YES1: variants seen among roughly 807,000 people sequenced by gnomAD.
The protein encoded by YES1 is YES proto-oncogene 1, Src family tyrosine kinase.
YES1 carries 39 observed loss-of-function variants against 70.4 expected under a neutral mutation model. The ratio of observed to expected loss-of-function variants is 0.55; its 90% confidence interval spans 0.43 to 0.72. YES1 has a LOEUF of 0.72. Among genes scored for constraint, YES1 ranks in the 30% least tolerant of loss-of-function variants. The probability of loss-of-function intolerance (pLI) is 0.00; values close to 1 mark genes in which losing one functional copy is unlikely to be tolerated. For missense variants in YES1, 495 were observed against 644.8 expected (o/e 0.77, Z 2.52); for synonymous variants, 198 against 218.6 (o/e 0.91, Z 0.83).
chr18:771,151 G>A (rs538442119), intron 1 of YES1, among the ~76,000 whole-genome samples: 1 of 151,788 alleles, frequency 6.6e-6, no homozygotes, highest in African/African-American at 2.4e-5. Flanking sequence ...GATCACTTGA[G>A]GTCTCAGGAG....
intron 11 of YES1, among the ~76,000 whole-genome samples, chr18:727,989 T>G (rs779655460): frequency 1.3e-5 from 2 of 152,172 alleles, no homozygotes; most frequent in South Asian, 4.1e-4. Flanking sequence ...TTTGGAATAT[T>G]TGCATATACA....
intron 4 of YES1, among the ~76,000 whole-genome samples, chr18:747,643 T>C (rs1324998691): frequency 6.6e-6 from 1 of 151,838 alleles, no homozygotes; most frequent in East Asian, 1.9e-4. Context: ...GTCTGAAAAA[T>C]ATGCAAAAGG....
intron 10 of YES1, among the ~76,000 whole-genome samples, chr18:734,493 T>C (rs1169072548): frequency 2.0e-5 from 3 of 152,044 alleles, no homozygotes; most frequent in African/African-American, 7.2e-5. Flanking sequence ...GAGGCAGAGC[T>C]TGCAGTGAGC....
intron 1 of YES1, among the ~76,000 whole-genome samples, chr18:799,437 T>C (rs974014083): frequency 1.3e-5 from 2 of 152,208 alleles, no homozygotes; most frequent in East Asian, 3.9e-4. Context: ...AGGCTGGGCA[T>C]GGTGGCTCAC....
upstream of YES1, chr18:812,387 C>G (rs1045480812): frequency 3.3e-5 from 5 of 151,362 alleles, no homozygotes; most frequent in African/African-American, 1.2e-4. Context: ...CGGGTACCTG[C>G]GCGCGCCGCC....
intron 1 of YES1, among the ~76,000 whole-genome samples, chr18:801,641 T>A (rs1205649403): frequency 2.0e-5 from 3 of 152,222 alleles, no homozygotes; most frequent in Non-Finnish European, 4.4e-5. Context: ...AGTAGCAATT[T>A]GATCCAGCTT....
In YES1 at chr18:796,682, C is replaced by T. The variant is rs551970961; in HGVS notation, c.-9+15432G>A. 3.9e-5 allele frequency among the ~76,000 whole-genome samples: 6 copies of T among 152,128 alleles called. No individual in the cohort carries two copies. In the East Asian group the frequency reaches 5.8e-4, roughly 15 times the overall value. On this transcript the variant is annotated intron_variant, in intron 1 of 11. Transcript: ENST00000314574. The stretch of plus-strand genomic sequence containing the variant: ...CTGAGGCAGGAGAATCACTTGAACC[C>T]GGGAGGTGGAGGTTACAGTGAGCCA...
intron 8 of YES1, among the ~76,000 whole-genome samples, chr18:741,416 GT>G (rs1468765150): frequency 6.6e-6 from 1 of 151,884 alleles, no homozygotes; most frequent in Non-Finnish European, 1.5e-5. Flanking sequence ...AATTTTTTTA[GT>G]TTTTGTAGAG....
At chr18:772,454 TAG>T (rs1905202404) in intron 1 of YES1, among the ~76,000 whole-genome samples, 1 of 151,710 alleles carries the variant, frequency 6.6e-6, no homozygotes, top group Non-Finnish European at 1.5e-5. Context: ...TTTTTTGAGA[TAG>T]AGTCTCACTC....
At chr18:763,940 C>T (rs1050237397) in intron 1 of YES1, among the ~76,000 whole-genome samples, 13 of 151,292 alleles carry the variant, frequency 8.6e-5, no homozygotes, top group African/African-American at 3.2e-4. Flanking sequence ...GCTAACAGGG[C>T]GAAAACCCGT....
At chr18:754,303 T>C (rs2080378594) in intron 2 of YES1, among the ~76,000 whole-genome samples, 1 of 152,172 alleles carries the variant, frequency 6.6e-6, no homozygotes, top group Non-Finnish European at 1.5e-5. Context: ...ACACTAATAC[T>C]CAAAACTTCC....
chr18:745,996 C>T lies in YES1; in HGVS notation c.526G>A (p.Gly176Arg), dbSNP rs2080277039. 1.9e-6 allele frequency: 3 copies of T among 1,612,880 alleles called. No individual in the cohort carries two copies. In the South Asian group the frequency reaches 3.3e-5, roughly 18 times the overall value. ...ACTAAGAAAATACCTCGTTGATTTC[C>T]AGGATTCAAAAGTAATCTTTCAGCA... ...KDAERLLLNP[G>R]NQRGIFLVRE... The change falls in exon 5 of 12, where the codon GGA becomes AGA. Residue 176 changes from glycine (G) to arginine (R), a missense_variant. By Grantham distance (125) the Gly-to-Arg change is moderately radical. Transcript: ENST00000314574.
chr18:741,191 C>A (rs559176707), intron 8 of YES1, among the ~76,000 whole-genome samples: 9 of 152,124 alleles, frequency 5.9e-5, no homozygotes, highest in Admixed American at 1.3e-4. Flanking sequence ...AACCACTGTG[C>A]CTGGCCTGCT....
At chr18:746,161 G>C in intron 4 of YES1, 110 bp from the exon 5 acceptor site, 1 of 719,642 alleles carries the variant, frequency 1.4e-6, no homozygotes, top group East Asian at 2.7e-5. Flanking sequence ...AGAATAGCTA[G>C]AGAACATGGC....
chr18:776,115 G>A (rs1269417371), intron 1 of YES1, among the ~76,000 whole-genome samples: 1 of 152,166 alleles, frequency 6.6e-6, no homozygotes, highest in Non-Finnish European at 1.5e-5. Context: ...CAGTTTTCCA[G>A]AGTAGCTATA....
intron 1 of YES1, among the ~76,000 whole-genome samples, chr18:789,760 C>T (rs1329620021): frequency 1.3e-5 from 2 of 151,082 alleles, no homozygotes; most frequent in African/African-American, 2.4e-5. Flanking sequence ...GGAGAATTTA[C>T]AATCTAAAAA....
At chr18:782,910 A>G (rs9958583) in intron 1 of YES1, among the ~76,000 whole-genome samples, 54,907 of 152,026 alleles carry the variant, frequency 0.36, 10,852 homozygotes, top group African/African-American at 0.51. Context: ...AGCCACTCCT[A>G]ACCTGAAGTG....
intron 8 of YES1, among the ~76,000 whole-genome samples, chr18:742,550 A>G (rs1358170227): frequency 6.6e-6 from 1 of 152,050 alleles, no homozygotes; most frequent in African/African-American, 2.4e-5. Context: ...GAGAAAACTA[A>G]TTCATTTTAA....
intron 9 of YES1, chr18:738,829 A>G (rs2080183266): frequency 6.6e-6 from 1 of 152,024 alleles, no homozygotes; most frequent in South Asian, 2.1e-4. Flanking sequence ...TTGTGGAAAC[A>G]TCTATTTTCT....
Sources: allele counts gnomAD v4.1 joint callset (sites outside exome capture counted in the v4.1 genomes callset), GRCh38; gene constraint gnomAD v4.1.1; transcripts MANE v1.5; gene names NCBI Gene and HGNC (gene_info 2026-07-23, HGNC 2026-07-21).